Variants in NELL1 observed in about 807,000 individuals in gnomAD.
NELL1 encodes the protein neural EGFL like 1.
A neutral mutation model predicts 107.4 loss-of-function variants in NELL1; 76 were observed. The ratio of observed to expected loss-of-function variants is 0.71; its 90% CI spans 0.59 to 0.86. NELL1 has a LOEUF of 0.86. Ranked by LOEUF, NELL1 falls within the 40% of genes least tolerant of loss-of-function variation. The pLI is 0.00. For synonymous variants in NELL1, 353 were observed against 341.2 expected, an observed-to-expected ratio of 1.03 and a Z score of -0.38; for missense variants, 1,024 against 1,005.5, an observed-to-expected ratio of 1.02 and a Z score of -0.25.
intron 12 of NELL1, among the ~76,000 whole-genome samples, chr11:20,976,327 T>C (rs1460127911): frequency 6.6e-6 from 1 of 152,008 alleles, no homozygotes; most frequent in African/African-American, 2.4e-5. Flanking sequence ...CGTGTAGTAA[T>C]TGGCCAAAAC....
chr11:20,900,675 T>A (rs1849853180), intron 5 of NELL1, among the ~76,000 whole-genome samples: 1 of 152,158 alleles, frequency 6.6e-6, no homozygotes, highest in Admixed American at 6.5e-5. Context: ...GGGAATTGCT[T>A]AAGCCAATTT....
rs1292887919 is a variant in NELL1, at chr11:20,900,409, C to G, written c.603+14869C>G. On this transcript the variant is annotated intron_variant, in intron 5 of 19. Coordinates refer to ENST00000357134, the MANE Select transcript of NELL1 (RefSeq NM_006157.5). Reference sequence around the variant, plus strand: ...TTTGACCTTTTGATGGGATATGCTACAAATTCACATTGCACAAGGTATGGA... The same window carrying G: ...TTTGACCTTTTGATGGGATATGCTAGAAATTCACATTGCACAAGGTATGGA... Among the ~76,000 whole-genome samples the G allele has an allele frequency of 1.3e-4, 20 of 152,158 alleles. 1 individual carries two copies. The highest frequency in any genetic ancestry group is 1.3e-3 in the Admixed American group (20 of 15,274).
In NELL1 at chr11:20,870,076, T is replaced by A. The variant is rs1654848539; in HGVS notation, c.507-15368T>A. Among the ~76,000 whole-genome samples, 3 of 152,148 alleles carry A rather than the reference T, an allele frequency of 2.0e-5. No homozygotes were observed. The South Asian group carries it at 6.2e-4, about 32-fold the overall frequency. ...TTATGCCTGTTTATGTTTGTATTGG[T>A]GACATTTTCAAAGCAGTTACTGTTC... is the stretch of plus-strand genomic sequence containing the variant. On this transcript the variant is annotated intron_variant, in intron 4 of 19. Coordinates refer to ENST00000357134, the MANE Select transcript of NELL1 (RefSeq NM_006157.5).
At chr11:21,124,226 A>G (rs1855436519) in intron 13 of NELL1, among the ~76,000 whole-genome samples, 1 of 152,228 alleles carries the variant, frequency 6.6e-6, no homozygotes, top group South Asian at 2.1e-4. Context: ...AGAAAATGCT[A>G]GACAAAGGTG....
At chr11:20,984,078 T>C (rs567790433) in intron 12 of NELL1, among the ~76,000 whole-genome samples, 51 of 152,282 alleles carry the variant, frequency 3.3e-4, no homozygotes, top group African/African-American at 1.2e-3. Flanking sequence ...ACCTTCTCAG[T>C]TAACTTCCCT....
At chr11:21,250,029 T>C (rs1348780024) in intron 14 of NELL1, among the ~76,000 whole-genome samples, 1 of 152,234 alleles carries the variant, frequency 6.6e-6, no homozygotes, top group Admixed American at 6.5e-5. Context: ...ATATTGGGTT[T>C]AAACTGTGGA....
chr11:21,216,991 A>G (rs1857628430), intron 13 of NELL1, among the ~76,000 whole-genome samples: 1 of 152,168 alleles, frequency 6.6e-6, no homozygotes, highest in Non-Finnish European at 1.5e-5. Context: ...TGTAGTTCCC[A>G]TAATGCCTAT....
At chr11:20,801,428 T>G (rs1857279547) in intron 3 of NELL1, among the ~76,000 whole-genome samples, 2 of 152,150 alleles carry the variant, frequency 1.3e-5, no homozygotes, top group Non-Finnish European at 2.9e-5. Flanking sequence ...AATTATTAGA[T>G]TTTTTCCCCA....
At chr11:21,480,956 T>C (rs532344192) in intron 15 of NELL1, among the ~76,000 whole-genome samples, 1 of 152,284 alleles carries the variant, frequency 6.6e-6, no homozygotes, top group African/African-American at 2.4e-5. Flanking sequence ...TATATGTATA[T>C]AGTCTTGGCT....
chr11:20,755,883 T>G (rs75592459), intron 2 of NELL1, among the ~76,000 whole-genome samples: 6 of 123,058 alleles, frequency 4.9e-5, no homozygotes, highest in Non-Finnish European at 8.2e-5. Context: ...TTTTTTTTTT[T>G]TTTTTTTTTT....
At chr11:21,379,791 G>A (rs1020688932) in intron 15 of NELL1, among the ~76,000 whole-genome samples, 2 of 152,016 alleles carry the variant, frequency 1.3e-5, no homozygotes, top group African/African-American at 4.8e-5. Flanking sequence ...GAAGTATATT[G>A]TCAATTTACC....
intron 15 of NELL1, among the ~76,000 whole-genome samples, chr11:21,450,097 G>A (rs1853540391): frequency 6.6e-6 from 1 of 152,166 alleles, no homozygotes; most frequent in Non-Finnish European, 1.5e-5. Flanking sequence ...TAGTAATGAT[G>A]CAGCTTTAGG....
At chr11:21,530,759 A>G (rs1389947107) in intron 15 of NELL1, among the ~76,000 whole-genome samples, 1 of 152,106 alleles carries the variant, frequency 6.6e-6, no homozygotes, top group Admixed American at 6.6e-5. Flanking sequence ...TATTAAATTT[A>G]CTTTTTCTTT....
intron 16 of NELL1, among the ~76,000 whole-genome samples, chr11:21,551,511 A>T (rs1258654183): frequency 1.3e-5 from 2 of 151,818 alleles, no homozygotes; most frequent in Non-Finnish European, 1.5e-5. Flanking sequence ...GAAGACATTT[A>T]TGCAGCCAAA....
At chr11:21,507,218 T>G (rs1272727467) in intron 15 of NELL1, among the ~76,000 whole-genome samples, 1 of 152,250 alleles carries the variant, frequency 6.6e-6, no homozygotes, top group Admixed American at 6.5e-5. Flanking sequence ...TTTTTCTTCT[T>G]CATTGAATAT....
At chr11:20,899,810 TTTG>T (rs1849832941) in intron 5 of NELL1, among the ~76,000 whole-genome samples, 1 of 152,144 alleles carries the variant, frequency 6.6e-6, no homozygotes, top group East Asian at 1.9e-4. Flanking sequence ...GTAGTAACCA[TTTG>T]TTAACAACTT....
chr11:21,542,146 A>G (rs918723948), intron 16 of NELL1, among the ~76,000 whole-genome samples: 5 of 152,092 alleles, frequency 3.3e-5, no homozygotes, highest in African/African-American at 1.2e-4. Context: ...TTCTAATTTA[A>G]TTTCACAATG....
At chr11:20,947,493 G>A in intron 11 of NELL1, 58 bp downstream of exon 11, 3 of 1,257,342 alleles carry the variant, frequency 2.4e-6, no homozygotes, top group Non-Finnish European at 2.3e-6. Context: ...GTCTTCTGGG[G>A]CATGAGATTT....
chr11:21,512,321 C>G (rs748528703), intron 15 of NELL1, among the ~76,000 whole-genome samples: 2 of 152,002 alleles, frequency 1.3e-5, no homozygotes, highest in Non-Finnish European at 2.9e-5. Flanking sequence ...ATAATTAGGA[C>G]AAGACAGAGT....
Sources: gnomAD v4.1 joint callset for allele counts (sites outside exome capture counted in the v4.1 genomes callset) on GRCh38, gnomAD v4.1.1 for gene constraint, MANE v1.5 for transcripts, NCBI Gene and HGNC (gene_info 2026-07-23, HGNC 2026-07-21) for gene names.